The following PLEKHA5 variants were observed in gnomAD, a reference collection of about 807,000 sequenced individuals.
PLEKHA5 encodes pleckstrin homology domain containing A5.
PLEKHA5 carries 55 observed loss-of-function variants against 181.9 expected under a neutral mutation model. That is an observed-to-expected ratio of 0.30 (90% confidence interval 0.24 to 0.38). The LOEUF (loss-of-function observed/expected upper bound fraction) is 0.38. PLEKHA5 is among the 10% of genes least tolerant of loss of function. The probability of loss-of-function intolerance (pLI) is 1.00; values close to 1 mark genes in which losing one functional copy is unlikely to be tolerated. For synonymous variants in PLEKHA5, 535 were observed against 529.4 expected (o/e 1.01, Z -0.15); for missense variants, 1,432 against 1,549.5 (o/e 0.92, Z 1.27).
chr12:19,191,238 C>A (rs893595077), intron 3 of PLEKHA5, among the ~76,000 whole-genome samples: 2 of 152,176 alleles, frequency 1.3e-5, no homozygotes, highest in Non-Finnish European at 1.5e-5. Context: ...TTTAAAAACA[C>A]AGTGCCCTGT....
intron 18 of PLEKHA5, among the ~76,000 whole-genome samples, chr12:19,321,910 A>G (rs1463243042): frequency 6.6e-6 from 1 of 152,128 alleles, no homozygotes; most frequent in African/African-American, 2.4e-5. Flanking sequence ...ACTTTCTTGT[A>G]CTTTCATAAT....
chr12:19,265,986 T>C (rs1592255282), intron 8 of PLEKHA5, 136 bp downstream of exon 8: 1 of 463,364 alleles, frequency 2.2e-6, no homozygotes, highest in Non-Finnish European at 3.8e-6. Flanking sequence ...AATGGTCTTA[T>C]GGTTGTATAG....
chr12:19,254,943 C>A, intron 4 of PLEKHA5, 102 bp from the exon 5 acceptor site: 1 of 963,804 alleles, frequency 1.0e-6, no homozygotes, highest in Non-Finnish European at 1.5e-6. Context: ...GATCCAAGTA[C>A]TGTGAAAAAG....
chr12:19,252,425 AAAT>A (rs2065586195), intron 3 of PLEKHA5, among the ~76,000 whole-genome samples: 1 of 152,174 alleles, frequency 6.6e-6, no homozygotes, highest in Non-Finnish European at 1.5e-5. Context: ...GACTTAATGA[AAAT>A]TATTATAGAC....
At chr12:19,285,128 A>G (rs538255738) in intron 12 of PLEKHA5, among the ~76,000 whole-genome samples, 1 of 152,316 alleles carries the variant, frequency 6.6e-6, no homozygotes, top group East Asian at 1.9e-4. Context: ...CTCACAACAA[A>G]AGGCTCACTT....
chr12:19,281,843 G>A (rs2076239822), intron 11 of PLEKHA5, among the ~76,000 whole-genome samples: 2 of 151,876 alleles, frequency 1.3e-5, no homozygotes, highest in Admixed American at 6.6e-5. Flanking sequence ...GTGCACTGGC[G>A]CGATCTTGTC....
intron 15 of PLEKHA5, among the ~76,000 whole-genome samples, chr12:19,314,379 C>T (rs11044488): frequency 6.6e-6 from 1 of 152,066 alleles, no homozygotes; most frequent in African/African-American, 2.4e-5. Context: ...TTGTAGAGAA[C>T]TAATTTTTTA....
intron 7 of PLEKHA5, among the ~76,000 whole-genome samples, chr12:19,263,292 C>T (rs1046355715): frequency 2.0e-5 from 3 of 152,026 alleles, no homozygotes; most frequent in Admixed American, 6.6e-5. Context: ...GTTCATTGCA[C>T]GCGAGGGGAA....
intron 10 of PLEKHA5, among the ~76,000 whole-genome samples, chr12:19,273,633 G>T: frequency 6.6e-6 from 1 of 152,148 alleles, no homozygotes. Flanking sequence ...GTCTGGAAGT[G>T]ATTAGGCTCA....
chr12:19,340,453 A>G (rs1383021985), intron 21 of PLEKHA5, among the ~76,000 whole-genome samples: 14 of 77,666 alleles, frequency 1.8e-4, no homozygotes, highest in South Asian at 4.0e-4. Flanking sequence ...TGGGAGGTGT[A>G]CTCAACAGCT....
chr12:19,302,294 T>C (rs1310388220), intron 15 of PLEKHA5, among the ~76,000 whole-genome samples: 6 of 152,238 alleles, frequency 3.9e-5, no homozygotes, highest in African/African-American at 1.2e-4. Flanking sequence ...CCACCCACAC[T>C]GTTCAAGAAA....
chr12:19,231,279 G>GTTGTTGT, intron 3 of PLEKHA5, among the ~76,000 whole-genome samples: 1 of 151,836 alleles, frequency 6.6e-6, no homozygotes, highest in South Asian at 2.1e-4. Context: ...TACAAGTGTA[G>GTTGTTGT]AATTGACTGT....
chr12:19,257,998 A>G (rs1343885375), intron 6 of PLEKHA5, among the ~76,000 whole-genome samples: 1 of 151,826 alleles, frequency 6.6e-6, no homozygotes, highest in Admixed American at 6.6e-5. Context: ...GAGTTTTTTC[A>G]GATTTTTGAT....
intron 20 of PLEKHA5, among the ~76,000 whole-genome samples, chr12:19,323,943 T>C (rs2153054849): frequency 6.6e-6 from 1 of 152,314 alleles, no homozygotes; most frequent in South Asian, 2.1e-4. Context: ...ATAAACTGTT[T>C]TATGAGTTTA....
intron 15 of PLEKHA5, among the ~76,000 whole-genome samples, chr12:19,296,034 C>A (rs529609920): frequency 7.3e-4 from 111 of 151,952 alleles, no homozygotes; most frequent in African/African-American, 2.6e-3. Context: ...GAGTTCGAGA[C>A]CAGCCTGGCC....
chr12:19,280,036 GTTTTTTTTTTTTTTTTTTT>G (rs869050795), intron 11 of PLEKHA5, among the ~76,000 whole-genome samples: 1 of 54,492 alleles, frequency 1.8e-5, no homozygotes, highest in East Asian at 6.1e-4. Flanking sequence ...AATGAAACCT[GTTTTTTTTTTTTTTTTTTT>G]TTTTTTTTTT....
chr12:19,367,755 A>ATTT (rs34285066), intron 30 of PLEKHA5, among the ~76,000 whole-genome samples: 3 of 131,760 alleles, frequency 2.3e-5, no homozygotes, highest in African/African-American at 5.6e-5. Flanking sequence ...AATTTTTTGT[A>ATTT]TTTTTTTTTT....
At chr12:19,370,049 G>A (rs1235780965) in intron 31 of PLEKHA5, among the ~76,000 whole-genome samples, 2 of 152,196 alleles carry the variant, frequency 1.3e-5, no homozygotes, top group Non-Finnish European at 2.9e-5. Context: ...AAATTTGGAG[G>A]GTATGGCCTG....
At chr12:19,268,394 A>G (rs2071298493) in intron 8 of PLEKHA5, among the ~76,000 whole-genome samples, 1 of 152,242 alleles carries the variant, frequency 6.6e-6, no homozygotes, top group African/African-American at 2.4e-5. Context: ...TAAAATAGCA[A>G]TAAAAGTGAC....
Sources: gnomAD v4.1 joint callset for allele counts (sites outside exome capture counted in the v4.1 genomes callset) on GRCh38, gnomAD v4.1.1 for gene constraint, MANE v1.5 for transcripts, NCBI Gene and HGNC (gene_info 2026-07-23, HGNC 2026-07-21) for gene names.